NFATC2: variants seen among roughly 807,000 people sequenced by gnomAD.
NFATC2 encodes nuclear factor of activated T-cells, cytoplasmic 2.
Under a neutral mutation model 87.3 loss-of-function variants are expected in NFATC2, and 22 were observed. The observed-to-expected ratio is 0.25, with a 90% CI of 0.18 to 0.36. NFATC2 has a LOEUF of 0.36. Ranked by LOEUF, NFATC2 falls within the 10% of genes least tolerant of loss-of-function variation. The pLI is 1.00. For synonymous variants in NFATC2, 565 were observed against 542.2 expected, an observed-to-expected ratio of 1.04 and a Z score of -0.58; for missense variants, 1,149 against 1,259.1, an observed-to-expected ratio of 0.91 and a Z score of 1.32.
intron 9 of NFATC2, among the ~76,000 whole-genome samples, chr20:51,417,889 A>G (rs1160314603): frequency 6.6e-6 from 1 of 152,266 alleles, no homozygotes; most frequent in Non-Finnish European, 1.5e-5. Flanking sequence ...CCAGCCTGCC[A>G]GCTGAATGCT....
chr20:51,511,230 C>A (rs1167435719), intron 3 of NFATC2, among the ~76,000 whole-genome samples: 2 of 152,236 alleles, frequency 1.3e-5, no homozygotes, highest in Non-Finnish European at 2.9e-5. Context: ...TCAGTTCAGT[C>A]ATTTCCTTTC....
At chr20:51,452,467 C>G (rs1229983127) in intron 6 of NFATC2, among the ~76,000 whole-genome samples, 2 of 152,212 alleles carry the variant, frequency 1.3e-5, no homozygotes, top group Non-Finnish European at 2.9e-5. Flanking sequence ...TTGCTGACAG[C>G]TCCCATGACA....
chr20:51,404,760 G>C (rs909625847), intron 9 of NFATC2, among the ~76,000 whole-genome samples: 3 of 152,162 alleles, frequency 2.0e-5, no homozygotes, highest in African/African-American at 4.8e-5. Context: ...ATCCTGCTGA[G>C]AGGGGCCCCT....
intron 10 of NFATC2, among the ~76,000 whole-genome samples, chr20:51,395,061 G>C (rs145460491): frequency 6.6e-6 from 1 of 152,338 alleles, no homozygotes; most frequent in African/African-American, 2.4e-5. Flanking sequence ...ATTTTCATGC[G>C]ATTGACAAAT....
Position 51,489,317 on chromosome 20 carries a change from G to A in NFATC2, c.1333-13657C>T, listed in dbSNP as rs940013686. Among the ~76,000 whole-genome samples the A allele has an allele frequency of 1.2e-4, 18 of 152,198 alleles. No individual in the cohort carries two copies. The East Asian group carries it at 1.9e-3, about 16-fold the overall frequency. ...TTCCAGTGCTTGGAGTATAGAGGTG[G>A]TAGCTGCAGCCCCAGCAATCATTTT... On this transcript the variant is annotated intron_variant, in intron 3 of 10. Coordinates refer to ENST00000371564, the MANE Select transcript of NFATC2 (RefSeq NM_012340.5).
chr20:51,510,387 G>A (rs1166165079), intron 3 of NFATC2, among the ~76,000 whole-genome samples: 2 of 152,184 alleles, frequency 1.3e-5, no homozygotes, highest in South Asian at 2.1e-4. Context: ...TTGCAAAACC[G>A]CTCTGAATGG....
chr20:51,436,016 A>G (rs1216190223), intron 6 of NFATC2, among the ~76,000 whole-genome samples: 2 of 152,138 alleles, frequency 1.3e-5, no homozygotes, highest in East Asian at 1.9e-4. Context: ...AGAAAACTCA[A>G]CGCCACATGT....
intron 1 of NFATC2, among the ~76,000 whole-genome samples, chr20:51,526,222 C>T (rs989165055): frequency 2.6e-5 from 4 of 152,124 alleles, no homozygotes; most frequent in African/African-American, 9.7e-5. Context: ...TTCTGCCAAA[C>T]CAGGTGCAGG....
At chr20:51,483,613 C>A (rs1485964846) in intron 3 of NFATC2, among the ~76,000 whole-genome samples, 6 of 149,008 alleles carry the variant, frequency 4.0e-5, no homozygotes, top group African/African-American at 7.5e-5. Flanking sequence ...CTCTCCCCCC[C>A]ACCACACACA....
In NFATC2 at chr20:51,387,759, C is replaced by T. The variant is rs1985915267; in HGVS notation, c.*3737G>A. ...GGAAACAAGTTCGGGAAAGGTTAGCCCAGCTTGTCAAGAACGTCACAACTC... is the reference window on the plus strand; with the variant it reads ...GGAAACAAGTTCGGGAAAGGTTAGCTCAGCTTGTCAAGAACGTCACAACTC... On this transcript the variant is annotated 3_prime_UTR_variant, in exon 11 of 11. Coordinates refer to ENST00000371564, the MANE Select transcript of NFATC2 (RefSeq NM_012340.5). 1 of 152,072 alleles carries T rather than the reference C, an allele frequency of 6.6e-6. No individual in the cohort carries two copies. Among genetic ancestry groups the T allele is most frequent in the Non-Finnish European group, 1.5e-5 (1 of 68,032 alleles). 9.4% of individuals were successfully genotyped at this position (152,072 alleles called of 1,614,324 possible).
At chr20:51,428,519 T>C (rs1486478925) in intron 9 of NFATC2, among the ~76,000 whole-genome samples, 5 of 152,292 alleles carry the variant, frequency 3.3e-5, no homozygotes, top group Admixed American at 6.5e-5. Context: ...CCGGCGTCTG[T>C]GTGCAGGAAT....
In NFATC2 at chr20:51,562,598, T is replaced by C. The variant is rs1342170581; in HGVS notation, c.32A>G (p.His11Arg). ...CCCCATGATGCGGAGGGGATGGCAG[T>C]GCCCCAGTCTGAACGCAGCCTCTCT... The change falls in exon 1 of 11, where the codon CAC becomes CGC. Residue 11 changes from histidine to arginine, a missense_variant. Physicochemically the swap from His to Arg is conservative, Grantham distance 29. Transcript: ENST00000414705. This position sits in a 1 kb window ranked among gnomAD's most constrained non-coding sequence, Gnocchi z 5.8. The C allele has an allele frequency of 1.3e-6, 2 of 1,551,308 alleles. No individual in the cohort carries two copies. The highest frequency in any genetic ancestry group is 3.9e-5 in the Admixed American group (2 of 51,000).
intron 9 of NFATC2, among the ~76,000 whole-genome samples, chr20:51,420,144 A>G (rs950406342): frequency 3.3e-5 from 5 of 152,232 alleles, no homozygotes; most frequent in African/African-American, 1.2e-4. Context: ...TGCTTTTCCT[A>G]TATGAATTCT....
At chr20:51,451,252 G>C (rs938955498) in intron 6 of NFATC2, among the ~76,000 whole-genome samples, 2 of 152,200 alleles carry the variant, frequency 1.3e-5, no homozygotes, top group African/African-American at 4.8e-5. Flanking sequence ...GAACTGCTGA[G>C]ACGCAGAGGG....
chr20:51,502,528 G>A (rs1232015555), intron 3 of NFATC2, among the ~76,000 whole-genome samples: 5 of 152,088 alleles, frequency 3.3e-5, no homozygotes, highest in Non-Finnish European at 5.9e-5. Flanking sequence ...AGAGACAAGG[G>A]TCTGGTAATG....
chr20:51,489,055 T>C (rs964593424), intron 3 of NFATC2, among the ~76,000 whole-genome samples: 13 of 152,134 alleles, frequency 8.5e-5, no homozygotes, highest in African/African-American at 3.1e-4. Flanking sequence ...CCAGACAGGG[T>C]GGCGGGCGCC....
chr20:51,413,638 G>A (rs943064343), intron 9 of NFATC2, among the ~76,000 whole-genome samples: 6 of 152,054 alleles, frequency 3.9e-5, no homozygotes, highest in African/African-American at 1.2e-4. Flanking sequence ...CACGCCTATA[G>A]TCCAGCTACC....
At chr20:51,442,531 A>C (rs1006240400) in intron 6 of NFATC2, among the ~76,000 whole-genome samples, 4 of 152,188 alleles carry the variant, frequency 2.6e-5, no homozygotes, top group Admixed American at 6.5e-5. Context: ...GTCTATTCTT[A>C]AGTCTGCTTA....
rs2076930838 is a variant in NFATC2, at chr20:51,551,342, C to T, written c.70+11218G>A. Among the ~76,000 whole-genome samples, 3 of 152,188 alleles carry T rather than the reference C, an allele frequency of 2.0e-5. No homozygotes were observed. In the South Asian group the frequency reaches 6.2e-4, roughly 32 times the overall value. On this transcript the variant is annotated intron_variant, in intron 1 of 10. Coordinates refer to the NFATC2 transcript ENST00000414705. ...GGTCAGTAACAGTCCATGTGAGCCA[C>T]ACTGCACCCTAAGGCCACAGGGAAA...
Sources: gnomAD v4.1 joint callset for allele counts (sites outside exome capture counted in the v4.1 genomes callset) on GRCh38, gnomAD v4.1.1 for gene constraint, Gnocchi (gnomAD v3.1) non-coding constraint, MANE v1.5 for transcripts, NCBI Gene and HGNC (gene_info 2026-07-23, HGNC 2026-07-21) for gene names.